Variants in EDC3 observed in about 807,000 individuals in gnomAD.
The protein encoded by EDC3 is enhancer of mRNA-decapping protein 3.
EDC3 carries 20 observed loss-of-function variants against 41.8 expected under a neutral mutation model. The observed-to-expected ratio is 0.48, with a 90% CI of 0.34 to 0.70. The LOEUF (loss-of-function observed/expected upper bound fraction) is 0.70. EDC3 is among the 30% of genes least tolerant of loss of function. EDC3 has a pLI of 0.01. For synonymous variants in EDC3, 206 were observed against 243.2 expected (o/e 0.85, Z 1.42); for missense variants, 444 against 636.8 (o/e 0.70, Z 3.26).
chr15:74,668,569 G>C (rs1420473017), intron 3 of EDC3, among the ~76,000 whole-genome samples: 2 of 151,946 alleles, frequency 1.3e-5, no homozygotes, highest in African/African-American at 4.8e-5. Context: ...AAAGTAAAAA[G>C]ACTAGCCAGG....
At chr15:74,659,520 A>ATATATATATATAT (rs2062596736) in intron 3 of EDC3, among the ~76,000 whole-genome samples, 1 of 149,556 alleles carries the variant, frequency 6.7e-6, no homozygotes, top group African/African-American at 2.4e-5. Flanking sequence ...ATAGGCAAAT[A>ATATATATATATAT]ATGAAAATAT....
At chr15:74,673,809 C>T (rs1230732449) in intron 2 of EDC3, among the ~76,000 whole-genome samples, 1 of 146,092 alleles carries the variant, frequency 6.8e-6, no homozygotes, top group Non-Finnish European at 1.5e-5. Flanking sequence ...CACTGCACTC[C>T]GGCCTGGGTG....
At chr15:74,693,953 G>A (rs1382819885) in intron 1 of EDC3, among the ~76,000 whole-genome samples, 1 of 151,520 alleles carries the variant, frequency 6.6e-6, no homozygotes, top group East Asian at 1.9e-4. Flanking sequence ...ACTGCACTCC[G>A]TCCAACCTGG....
chr15:74,682,549 T>C (rs1473877497), intron 1 of EDC3, among the ~76,000 whole-genome samples: 1 of 122,868 alleles, frequency 8.1e-6, no homozygotes, highest in East Asian at 2.5e-4. Context: ...ACTGAAGAGG[T>C]GGAGCTTGCA....
At chr15:74,691,752 C>A (rs188750209) in intron 1 of EDC3, among the ~76,000 whole-genome samples, 246 of 152,242 alleles carry the variant, frequency 1.6e-3, no homozygotes, top group South Asian at 6.2e-3. Flanking sequence ...TGGTCTGCTA[C>A]CAATAAAGTT....
At chr15:74,684,582 C>A (rs2062914724) in intron 1 of EDC3, among the ~76,000 whole-genome samples, 1 of 145,120 alleles carries the variant, frequency 6.9e-6, no homozygotes, top group African/African-American at 2.6e-5. Context: ...TTATATTCAA[C>A]AACTGTAGGT....
intron 4 of EDC3, among the ~76,000 whole-genome samples, chr15:74,653,472 G>C (rs2062506298): frequency 6.6e-6 from 1 of 152,194 alleles, no homozygotes; most frequent in Admixed American, 6.5e-5. Context: ...AAGTTGCTCA[G>C]TAAGATAACT....
intron 1 of EDC3, among the ~76,000 whole-genome samples, chr15:74,684,322 C>T (rs953298748): frequency 9.2e-5 from 14 of 151,612 alleles, no homozygotes; most frequent in African/African-American, 3.4e-4. Context: ...AGGCCCACAC[C>T]ACCACACCCA....
At chr15:74,650,471 T>C (rs1387073894) in intron 4 of EDC3, among the ~76,000 whole-genome samples, 2 of 152,282 alleles carry the variant, frequency 1.3e-5, no homozygotes, top group Non-Finnish European at 2.9e-5. Flanking sequence ...AAGGCTTCCA[T>C]CATGAAGCCT....
At position 74,655,865 on chromosome 15, in the gene EDC3, C is replaced by T. The variant is rs1484483043; in HGVS notation, c.688G>A (p.Gly230Ser). ...EEIDTYERRS[G>S]TRSRGIPNER... ...TTTGGGATGCCCCGGGAACGGGTAC[C>T]ACTTCTCCTTTCATAGGTATCAATC... Residue 230 changes from glycine (G) to serine (S), a missense_variant, in exon 4 of 7, where the codon GGT becomes AGT. Physicochemically the swap from Gly to Ser is moderately conservative, Grantham distance 56 (BLOSUM62 0). This residue lies in a region of EDC3 where 242 missense variants were observed against 363.8 expected (regional missense o/e 0.67). Transcript: ENST00000315127. 6.2e-7 allele frequency: 1 copy of T among 1,614,106 alleles called. No homozygotes were observed.
chr15:74,642,269 T>C lies in EDC3; in HGVS notation c.821-1650A>G, dbSNP rs1422673398. On this transcript the variant is annotated intron_variant, in intron 4 of 6. Coordinates refer to ENST00000315127, the MANE Select transcript of EDC3 (RefSeq NM_025083.5). ...CTATCCTGTTGGCTAACTGAGCCCC[T>C]CTACCTGCCCAAGTCCTATTCCTGG... 2.0e-5 allele frequency: 3 copies of C among 152,324 alleles called. No individual in the cohort carries two copies. The East Asian group carries it at 5.8e-4, about 29-fold the overall frequency. 9.4% of individuals were successfully genotyped at this position (152,324 alleles called of 1,614,324 possible).
chr15:74,643,972 C>T (rs563240941), intron 4 of EDC3: 17 of 152,072 alleles, frequency 1.1e-4, no homozygotes, highest in African/African-American at 4.1e-4. Flanking sequence ...ACACTGGTTC[C>T]TTTAGGGATA....
intron 3 of EDC3, among the ~76,000 whole-genome samples, chr15:74,660,378 C>G (rs558353646): frequency 1.3e-5 from 2 of 151,488 alleles, no homozygotes; most frequent in Non-Finnish European, 2.9e-5. Flanking sequence ...CCACTGCACT[C>G]CAGCCTTGGG....
intron 1 of EDC3, among the ~76,000 whole-genome samples, chr15:74,685,106 G>C (rs1470381205): frequency 6.6e-6 from 1 of 151,952 alleles, no homozygotes; most frequent in Non-Finnish European, 1.5e-5. Flanking sequence ...TTCATATTGT[G>C]TGTGTTGGTC....
At chr15:74,679,757 C>CAAAAAAAAAAA (rs769465964) in intron 1 of EDC3, 1 of 46,552 alleles carries the variant, frequency 2.1e-5, no homozygotes, top group East Asian at 7.5e-4. Flanking sequence ...TTATTTCTAC[C>CAAAAAAAAAAA]AAAAAAAAAA....
At chr15:74,655,604 G>C in intron 4 of EDC3, 129 bp downstream of exon 4, 1 of 905,828 alleles carries the variant, frequency 1.1e-6, no homozygotes, top group South Asian at 1.8e-5. Context: ...CAATAATACC[G>C]GGCCAGCCAC....
chr15:74,676,744 T>G (rs1194961538), intron 1 of EDC3, among the ~76,000 whole-genome samples: 3 of 152,178 alleles, frequency 2.0e-5, no homozygotes, highest in Non-Finnish European at 4.4e-5. Flanking sequence ...AGGTCTGTTA[T>G]CCATAACATA....
At position 74,633,203 on chromosome 15, in the gene EDC3, TGTC is replaced by T. The variant is rs754299385; in HGVS notation, c.1193-260_1193-258del. Among the ~76,000 whole-genome samples, 110 of 152,324 alleles carry T rather than the reference TGTC, an allele frequency of 7.2e-4. 1 individual carries two copies. The highest frequency in any genetic ancestry group is 4.8e-3 in the South Asian group (23 of 4,824). ...TCCTGGAGTTCTCAGGATGAACCAT[TGTC>T]GTCCTGAGTGTGCAGAGCTTCTCAG... is the stretch of plus-strand genomic sequence containing the variant. On this transcript the variant is annotated intron_variant, in intron 6 of 6. Coordinates refer to ENST00000315127, the MANE Select transcript of EDC3 (RefSeq NM_025083.5).
intron 1 of EDC3, among the ~76,000 whole-genome samples, chr15:74,679,558 A>G (rs1410225494): frequency 6.6e-6 from 1 of 152,100 alleles, no homozygotes; most frequent in Non-Finnish European, 1.5e-5. Flanking sequence ...AGACAAAAAC[A>G]AAACTACAGA....
Sources: allele counts gnomAD v4.1 joint callset (sites outside exome capture counted in the v4.1 genomes callset), GRCh38; gene constraint gnomAD v4.1.1; regional missense constraint gnomAD v4.1.1; transcripts MANE v1.5; gene names NCBI Gene and HGNC (gene_info 2026-07-23, HGNC 2026-07-21).